Variants in DIAPH3 observed in about 807,000 individuals in gnomAD.
DIAPH3 encodes the protein diaphanous related formin 3, also known as protein diaphanous homolog 3.
DIAPH3 carries 117 observed loss-of-function variants against 144.3 expected under a neutral mutation model. That is an observed-to-expected ratio of 0.81 (90% CI 0.70 to 0.95). The LOEUF (loss-of-function observed/expected upper bound fraction) is 0.95, where lower values mean the gene tolerates loss of function less well. DIAPH3 is among the 40% of genes least tolerant of loss of function. DIAPH3 has a pLI of 0.00. For synonymous variants in DIAPH3, 519 were observed against 488.9 expected (o/e 1.06, Z -0.81); for missense variants, 1,421 against 1,412.7 (o/e 1.01, Z -0.09).
chr13:59,937,285 G>A (rs2048314997), intron 17 of DIAPH3, among the ~76,000 whole-genome samples: 1 of 152,090 alleles, frequency 6.6e-6, no homozygotes, highest in African/African-American at 2.4e-5. Context: ...AACTCTGAAA[G>A]TTAATGTATG....
At chr13:59,969,402 T>C (rs1334112050) in intron 17 of DIAPH3, among the ~76,000 whole-genome samples, 1 of 152,204 alleles carries the variant, frequency 6.6e-6, no homozygotes, top group African/African-American at 2.4e-5. Flanking sequence ...TTTTGGATTA[T>C]ACTTTAAGTT....
intron 4 of DIAPH3, among the ~76,000 whole-genome samples, chr13:60,054,522 TCA>T: frequency 6.6e-6 from 1 of 152,128 alleles, no homozygotes; most frequent in Non-Finnish European, 1.5e-5. Context: ...ATTAACTGCC[TCA>T]GTTTTTCTTT....
At chr13:60,098,089 G>C (rs977967600) in intron 3 of DIAPH3, among the ~76,000 whole-genome samples, 1 of 152,164 alleles carries the variant, frequency 6.6e-6, no homozygotes, top group Non-Finnish European at 1.5e-5. Context: ...TGGGGGAGAA[G>C]TGAGCAAGTT....
chr13:59,926,859 C>A (rs2047776012), intron 17 of DIAPH3, among the ~76,000 whole-genome samples: 1 of 152,112 alleles, frequency 6.6e-6, no homozygotes, highest in Non-Finnish European at 1.5e-5. Context: ...GTCTACAGTG[C>A]AGTTTCAGAT....
intron 27 of DIAPH3, among the ~76,000 whole-genome samples, chr13:59,675,477 C>T (rs112595505): frequency 6.6e-4 from 100 of 152,006 alleles, no homozygotes; most frequent in African/African-American, 2.3e-3. Flanking sequence ...CTTCGCCTCC[C>T]GGGTTCATGC....
chr13:59,875,135 G>C (rs1045848879), intron 21 of DIAPH3, among the ~76,000 whole-genome samples: 3 of 152,048 alleles, frequency 2.0e-5, no homozygotes, highest in Non-Finnish European at 4.4e-5. Context: ...TTCTAGGTCA[G>C]CATTTTGGTC....
In DIAPH3 at chr13:59,850,526, T is replaced by C. The variant is rs533495622; in HGVS notation, c.2737+10881A>G. On this transcript the variant is annotated intron_variant, in intron 22 of 27. Coordinates refer to ENST00000400324, the MANE Select transcript of DIAPH3 (RefSeq NM_001042517.2). ...CCTAATTTATTGAGAGTTTTTAGCATGAAGGGTTGTTGAATTTTGTCAAAG... is the reference window on the plus strand; with the variant it reads ...CCTAATTTATTGAGAGTTTTTAGCACGAAGGGTTGTTGAATTTTGTCAAAG... 4.6e-5 allele frequency among the ~76,000 whole-genome samples: 7 copies of C among 150,812 alleles called. No homozygotes were observed. In the East Asian group the frequency reaches 1.4e-3, roughly 30 times the overall value.
At chr13:59,709,297 G>T (rs892177307) in intron 27 of DIAPH3, among the ~76,000 whole-genome samples, 9 of 152,062 alleles carry the variant, frequency 5.9e-5, no homozygotes, top group Non-Finnish European at 1.2e-4. Flanking sequence ...TACCATCAGA[G>T]CGAACAGGCA....
intron 20 of DIAPH3, among the ~76,000 whole-genome samples, chr13:59,880,373 T>C (rs2140060438): frequency 1.3e-5 from 2 of 152,166 alleles, no homozygotes; most frequent in Middle Eastern, 6.8e-3. Context: ...TTGTTGAACT[T>C]CAACAACTAT....
chr13:59,717,188 G>A (rs1350785100), intron 27 of DIAPH3, among the ~76,000 whole-genome samples: 2 of 152,156 alleles, frequency 1.3e-5, no homozygotes, highest in Non-Finnish European at 1.5e-5. Context: ...GAACTACTCC[G>A]AGTTTGGGAA....
intron 27 of DIAPH3, among the ~76,000 whole-genome samples, chr13:59,717,811 A>G (rs2035135639): frequency 6.6e-6 from 1 of 152,106 alleles, no homozygotes; most frequent in Admixed American, 6.6e-5. Flanking sequence ...CAAAAAACAA[A>G]CAAAAAAACC....
intron 5 of DIAPH3, among the ~76,000 whole-genome samples, chr13:60,016,552 G>T (rs1192570918): frequency 1.3e-5 from 2 of 152,112 alleles, no homozygotes; most frequent in East Asian, 3.8e-4. Flanking sequence ...CCCATTTGGG[G>T]CTATGCCAAA....
chr13:59,669,083 A>C (rs1566165949), intron 27 of DIAPH3, among the ~76,000 whole-genome samples: 1 of 152,160 alleles, frequency 6.6e-6, no homozygotes, highest in Admixed American at 6.5e-5. Context: ...TTGCCAAAGG[A>C]AAGTGCTAAG....
At chr13:60,025,404 C>CAAAAAAAAAA (rs370177105) in intron 5 of DIAPH3, among the ~76,000 whole-genome samples, 1 of 68,142 alleles carries the variant, frequency 1.5e-5, no homozygotes, top group Non-Finnish European at 2.8e-5. Context: ...TTGTGCTTAG[C>CAAAAAAAAAA]AAAAAAAAAA....
At chr13:59,803,424 A>C (rs1007403888) in intron 25 of DIAPH3, among the ~76,000 whole-genome samples, 14 of 152,212 alleles carry the variant, frequency 9.2e-5, no homozygotes, top group African/African-American at 3.4e-4. Context: ...TGAAGTTCAG[A>C]ATATAGTAAA....
At chr13:59,719,235 G>A (rs2035216255) in intron 27 of DIAPH3, among the ~76,000 whole-genome samples, 1 of 152,156 alleles carries the variant, frequency 6.6e-6, no homozygotes, top group Admixed American at 6.6e-5. Flanking sequence ...AGTGAATGGA[G>A]ACAAACGTAT....
At chr13:59,983,112 C>A in intron 13 of DIAPH3, among the ~76,000 whole-genome samples, 2 of 85,388 alleles carry the variant, frequency 2.3e-5, no homozygotes, top group African/African-American at 4.7e-5. Context: ...TCAAATGTTA[C>A]AACACTAAAT....
chr13:59,790,594 C>G (rs541144247), intron 25 of DIAPH3, among the ~76,000 whole-genome samples: 1 of 152,250 alleles, frequency 6.6e-6, no homozygotes, highest in South Asian at 2.1e-4. Flanking sequence ...GATGTAGCAT[C>G]CCATTAGTAT....
At chr13:59,825,453 T>C (rs2139667604) in intron 24 of DIAPH3, among the ~76,000 whole-genome samples, 1 of 152,306 alleles carries the variant, frequency 6.6e-6, no homozygotes, top group Non-Finnish European at 1.5e-5. Flanking sequence ...ACATTTGGGT[T>C]GGTTCCAAGT....
Sources: gnomAD v4.1 joint callset for allele counts (sites outside exome capture counted in the v4.1 genomes callset) on GRCh38, gnomAD v4.1.1 for gene constraint, MANE v1.5 for transcripts, NCBI Gene and HGNC (gene_info 2026-07-23, HGNC 2026-07-21) for gene names.